Variants in SYT1 observed in about 807,000 individuals in gnomAD.
SYT1 encodes the protein synaptotagmin 1, also known as synaptotagmin-1.
In SYT1, 8 loss-of-function variants were observed where a neutral mutation model predicts 44.8. The ratio of observed to expected loss-of-function variants is 0.18; its 90% CI spans 0.10 to 0.32. The LOEUF (loss-of-function observed/expected upper bound fraction) is 0.32, where lower values mean the gene tolerates loss of function less well. Among genes scored for constraint, SYT1 ranks in the 10% least tolerant of loss-of-function variants. The probability of loss-of-function intolerance (pLI) is 1.00; values close to 1 mark genes in which losing one functional copy is unlikely to be tolerated. For synonymous variants in SYT1, 154 were observed against 188.8 expected (o/e 0.82, Z 1.51); for missense variants, 286 against 509.3 (o/e 0.56, Z 4.22).
intron 9 of SYT1, among the ~76,000 whole-genome samples, chr12:79,432,931 G>A (rs778616247): frequency 6.6e-6 from 1 of 152,076 alleles, no homozygotes; most frequent in Non-Finnish European, 1.5e-5. Flanking sequence ...TTTTTAAGCA[G>A]AGAAAGAAGC....
intron 8 of SYT1, among the ~76,000 whole-genome samples, chr12:79,339,273 T>G (rs1882244967): frequency 6.6e-6 from 1 of 152,218 alleles, no homozygotes. Flanking sequence ...TGAACTAATT[T>G]ACACTCCCAC....
chr12:79,400,006 T>C (rs1385175103), intron 9 of SYT1, among the ~76,000 whole-genome samples: 2 of 152,180 alleles, frequency 1.3e-5, no homozygotes, highest in East Asian at 3.9e-4. Context: ...CAAACCAAAT[T>C]GACTTGAGTT....
intron 1 of SYT1, among the ~76,000 whole-genome samples, chr12:78,902,009 G>A (rs1875691360): frequency 6.6e-6 from 1 of 151,780 alleles, no homozygotes; most frequent in Non-Finnish European, 1.5e-5. Flanking sequence ...ACACAGGGAG[G>A]CGAACATCAC....
chr12:78,992,552 T>C (rs1870090672), intron 2 of SYT1, among the ~76,000 whole-genome samples: 1 of 152,238 alleles, frequency 6.6e-6, no homozygotes, highest in Admixed American at 6.5e-5. Context: ...GTACTGTGTA[T>C]ATGAAATTGT....
At chr12:79,438,261 C>T (rs1342778296) in intron 9 of SYT1, among the ~76,000 whole-genome samples, 1 of 151,876 alleles carries the variant, frequency 6.6e-6, no homozygotes, top group African/African-American at 2.4e-5. Flanking sequence ...CCTCTTACTC[C>T]CTGGCCAAAA....
At chr12:79,257,094 C>T (rs1458135164) in intron 4 of SYT1, among the ~76,000 whole-genome samples, 1 of 152,146 alleles carries the variant, frequency 6.6e-6, no homozygotes, top group African/African-American at 2.4e-5. Context: ...TTAGCCTTAA[C>T]AGATATTTAG....
intron 9 of SYT1, among the ~76,000 whole-genome samples, chr12:79,416,266 T>G (rs974538279): frequency 2.0e-5 from 3 of 152,136 alleles, no homozygotes; most frequent in Admixed American, 1.3e-4. Context: ...ATGATCACAG[T>G]CATATGATCA....
At chr12:79,129,144 G>A (rs907652280) in intron 3 of SYT1, among the ~76,000 whole-genome samples, 6 of 152,060 alleles carry the variant, frequency 3.9e-5, no homozygotes, top group Non-Finnish European at 7.4e-5. Context: ...TTAAAAATGC[G>A]TGGTTAACCA....
chr12:78,927,325 C>A (rs1307177753), intron 1 of SYT1, among the ~76,000 whole-genome samples: 4 of 152,046 alleles, frequency 2.6e-5, no homozygotes, highest in Admixed American at 6.6e-5. Context: ...ACACATTGAA[C>A]CCCAGATTTC....
At chr12:78,890,211 T>C (rs535863661) in intron 1 of SYT1, among the ~76,000 whole-genome samples, 1 of 152,114 alleles carries the variant, frequency 6.6e-6, no homozygotes, top group African/African-American at 2.4e-5. Flanking sequence ...CCAAAAAAGT[T>C]ATAAAAATTT....
At chr12:79,216,515 C>T (rs1403814566) in intron 3 of SYT1, among the ~76,000 whole-genome samples, 4 of 152,138 alleles carry the variant, frequency 2.6e-5, no homozygotes, top group Non-Finnish European at 4.4e-5. Flanking sequence ...TGTACCTTCA[C>T]GTGTTCTAAG....
At chr12:79,014,817 T>C (rs1183061008) in intron 2 of SYT1, among the ~76,000 whole-genome samples, 1 of 151,816 alleles carries the variant, frequency 6.6e-6, no homozygotes, top group Non-Finnish European at 1.5e-5. Context: ...AACCCAAATA[T>C]CCAACAATGA....
intron 10 of SYT1, among the ~76,000 whole-genome samples, chr12:79,446,946 A>T (rs942974582): frequency 6.6e-6 from 1 of 152,228 alleles, no homozygotes; most frequent in Admixed American, 6.5e-5. Context: ...AGGCATTGAG[A>T]TGAAAACTCC....
chr12:78,912,316 A>G (rs558509970), intron 1 of SYT1, among the ~76,000 whole-genome samples: 1 of 152,100 alleles, frequency 6.6e-6, no homozygotes, highest in East Asian at 1.9e-4. Context: ...ATTATGAGAT[A>G]ATGATAAATA....
rs185657473 is a variant in SYT1 at position 79,191,592 on chromosome 12, G to A, written c.-17-25911G>A. On this transcript the variant is annotated intron_variant, in intron 3 of 10. Coordinates refer to ENST00000261205, the MANE Select transcript of SYT1 (RefSeq NM_005639.3). ...TACTTCCTCTTACACTTATACACATGAGGATATGTGGGTTTCATTATGCCA... is the reference window on the plus strand; with the variant it reads ...TACTTCCTCTTACACTTATACACATAAGGATATGTGGGTTTCATTATGCCA... Among the ~76,000 whole-genome samples the A allele has an allele frequency of 7.9e-5, 12 of 152,218 alleles. No homozygotes were observed. The East Asian group carries it at 2.1e-3, about 27-fold the overall frequency.
At chr12:79,329,355 C>T (rs1881753341) in intron 8 of SYT1, among the ~76,000 whole-genome samples, 1 of 152,188 alleles carries the variant, frequency 6.6e-6, no homozygotes, top group Non-Finnish European at 1.5e-5. Flanking sequence ...TCTATATGAA[C>T]ACTTACATGA....
At chr12:78,974,063 T>C (rs1030167348) in intron 1 of SYT1, among the ~76,000 whole-genome samples, 2 of 144,020 alleles carry the variant, frequency 1.4e-5, no homozygotes, top group South Asian at 2.3e-4. Context: ...GTGAACATCA[T>C]AGAGTGTACT....
At chr12:79,093,167 A>G (rs959084570) in intron 3 of SYT1, among the ~76,000 whole-genome samples, 2 of 151,682 alleles carry the variant, frequency 1.3e-5, no homozygotes, top group African/African-American at 4.8e-5. Flanking sequence ...AACTTGTTTA[A>G]TATCTCTCTT....
intron 3 of SYT1, among the ~76,000 whole-genome samples, chr12:79,132,531 G>A (rs191751497): frequency 3.3e-5 from 5 of 151,508 alleles, no homozygotes; most frequent in East Asian, 3.9e-4. Flanking sequence ...AGTAAAAGCC[G>A]CAATAAAATC....
Sources: allele counts gnomAD v4.1 joint callset (sites outside exome capture counted in the v4.1 genomes callset), GRCh38; gene constraint gnomAD v4.1.1; transcripts MANE v1.5; gene names NCBI Gene and HGNC (gene_info 2026-07-23, HGNC 2026-07-21).